Variants in MYRFL observed in about 807,000 individuals in gnomAD.
MYRFL encodes myelin regulatory factor like.
A neutral mutation model predicts 109.4 loss-of-function variants in MYRFL; 88 were observed. The ratio of observed to expected loss-of-function variants is 0.80; its 90% CI spans 0.68 to 0.96. The LOEUF (loss-of-function observed/expected upper bound fraction) is 0.96. Among genes scored for constraint, MYRFL ranks in the 40% least tolerant of loss-of-function variants. The pLI, the probability that MYRFL is intolerant of heterozygous loss-of-function variation, is 0.00. For missense variants in MYRFL, 957 were observed against 954.9 expected, an observed-to-expected ratio of 1.00 and a Z score of -0.03; for synonymous variants, 324 against 320.9, an observed-to-expected ratio of 1.01 and a Z score of -0.10.
At chr12:69,866,567 G>T (rs1219724455) in intron 2 of MYRFL, among the ~76,000 whole-genome samples, 1 of 152,122 alleles carries the variant, frequency 6.6e-6, no homozygotes, top group South Asian at 2.1e-4. Flanking sequence ...GGTACTAGAG[G>T]TGGGATTCAG....
At chr12:69,925,664 C>T (rs1239377939) in intron 13 of MYRFL, among the ~76,000 whole-genome samples, 3 of 152,176 alleles carry the variant, frequency 2.0e-5, no homozygotes, top group Non-Finnish European at 4.4e-5. Flanking sequence ...GTTCATATGA[C>T]AACTGAAGTG....
chr12:69,920,085 G>A (rs979926192), intron 13 of MYRFL, among the ~76,000 whole-genome samples: 20 of 152,064 alleles, frequency 1.3e-4, no homozygotes, highest in African/African-American at 4.6e-4. Context: ...GTGTTCTGCC[G>A]AGTCCAGGGA....
chr12:69,858,321 T>C (rs1884425704), intron 2 of MYRFL, among the ~76,000 whole-genome samples: 1 of 151,954 alleles, frequency 6.6e-6, no homozygotes, highest in Non-Finnish European at 1.5e-5. Context: ...TTTTTTTATA[T>C]TTTATTTTTT....
chr12:69,863,179 A>C (rs1425962715), intron 2 of MYRFL, among the ~76,000 whole-genome samples: 3 of 152,082 alleles, frequency 2.0e-5, no homozygotes, highest in Admixed American at 6.6e-5. Context: ...TTTTTGCATC[A>C]GTGTTCATCA....
At position 69,846,725 on chromosome 12, in the gene MYRFL, G is replaced by C. The variant is rs553438460; in HGVS notation, c.47-8555G>C. Among the ~76,000 whole-genome samples the C allele has an allele frequency of 3.9e-5, 6 of 152,166 alleles. No individual in the cohort carries two copies. The South Asian group carries it at 1.0e-3, about 26-fold the overall frequency. On this transcript the variant is annotated intron_variant, in intron 1 of 24. Transcript: ENST00000552032. ...TGGGTATATACCCAGTAATGGGATG[G>C]CTGGGTCAAATGGTATTTCTAGTTC...
chr12:69,848,506 A>C (rs1218391915), intron 1 of MYRFL, among the ~76,000 whole-genome samples: 2 of 152,036 alleles, frequency 1.3e-5, no homozygotes, highest in Non-Finnish European at 2.9e-5. Flanking sequence ...TTATATTCCT[A>C]TTATAAATGG....
At chr12:69,931,266 T>G (rs1955261864) in intron 15 of MYRFL, among the ~76,000 whole-genome samples, 1 of 152,172 alleles carries the variant, frequency 6.6e-6, no homozygotes, top group African/African-American at 2.4e-5. Flanking sequence ...TTCCAGTCAA[T>G]TCAACAAATT....
At chr12:69,946,669 T>C (rs899790596) in intron 19 of MYRFL, 4 of 152,192 alleles carry the variant, frequency 2.6e-5, no homozygotes, top group African/African-American at 9.7e-5. Flanking sequence ...CACAGACCCC[T>C]TTATGCAATC....
intron 19 of MYRFL, among the ~76,000 whole-genome samples, chr12:69,949,457 C>A (rs903972793): frequency 6.6e-6 from 1 of 152,140 alleles, no homozygotes. Flanking sequence ...GGGCTCCCTC[C>A]CTGCAAGCCT....
intron 2 of MYRFL, among the ~76,000 whole-genome samples, chr12:69,874,639 C>T (rs1885550870): frequency 6.6e-6 from 1 of 152,128 alleles, no homozygotes; most frequent in Admixed American, 6.5e-5. Context: ...CATGTCTATT[C>T]TCAAATTCAC....
intron 15 of MYRFL, among the ~76,000 whole-genome samples, chr12:69,929,475 A>G (rs17107288): frequency 0.045 from 6,866 of 152,296 alleles, 525 homozygotes; most frequent in African/African-American, 0.16. Flanking sequence ...CTAGACATCA[A>G]TGAAATTGAA....
intron 5 of MYRFL, among the ~76,000 whole-genome samples, chr12:69,883,451 C>T (rs983612643): frequency 6.6e-6 from 1 of 152,050 alleles, no homozygotes; most frequent in Non-Finnish European, 1.5e-5. Context: ...TGGCCATCAA[C>T]GGCAAGATAA....
intron 7 of MYRFL, among the ~76,000 whole-genome samples, chr12:69,893,480 G>A (rs939161217): frequency 6.6e-6 from 1 of 152,128 alleles, no homozygotes; most frequent in African/African-American, 2.4e-5. Context: ...TACTCCTGAT[G>A]TTTCAGCCAT....
At chr12:69,921,145 A>G (rs1056891664) in intron 13 of MYRFL, among the ~76,000 whole-genome samples, 2 of 152,214 alleles carry the variant, frequency 1.3e-5, no homozygotes, top group Admixed American at 6.5e-5. Context: ...GTCATCAAGG[A>G]TGGGCATCAA....
intron 21 of MYRFL, among the ~76,000 whole-genome samples, chr12:69,954,463 T>G (rs902457821): frequency 6.6e-6 from 1 of 152,242 alleles, no homozygotes; most frequent in African/African-American, 2.4e-5. Context: ...CTTATTTTTT[T>G]CAGCTGTATT....
At chr12:69,848,265 A>T (rs1249728332) in intron 1 of MYRFL, among the ~76,000 whole-genome samples, 1 of 151,886 alleles carries the variant, frequency 6.6e-6, no homozygotes, top group Non-Finnish European at 1.5e-5. Context: ...TTTTATTATC[A>T]TGGGTATTTT....
intron 2 of MYRFL, among the ~76,000 whole-genome samples, chr12:69,878,375 C>G (rs921170663): frequency 6.6e-6 from 1 of 152,058 alleles, no homozygotes; most frequent in African/African-American, 2.4e-5. Context: ...TCCCTTTGCG[C>G]CCAGATGGAA....
intron 5 of MYRFL, among the ~76,000 whole-genome samples, chr12:69,886,114 C>CA (rs1174552637): frequency 6.6e-6 from 1 of 151,766 alleles, no homozygotes; most frequent in African/African-American, 2.4e-5. Context: ...CTGCCTTGTG[C>CA]AAAAAAAGCA....
chr12:69,855,135 T>C, intron 1 of MYRFL, 145 bp from the exon 2 acceptor site: 1 of 461,412 alleles, frequency 2.2e-6, no homozygotes, highest in South Asian at 5.6e-5. Flanking sequence ...AATCAATGTT[T>C]ACTTTGTGCC....
Sources: allele counts gnomAD v4.1 joint callset (sites outside exome capture counted in the v4.1 genomes callset), GRCh38; gene constraint gnomAD v4.1.1; transcripts MANE v1.5; gene names NCBI Gene and HGNC (gene_info 2026-07-23, HGNC 2026-07-21).